USP28: variants seen among roughly 807,000 people sequenced by gnomAD.
USP28 encodes the protein ubiquitin specific peptidase 28, also known as ubiquitin carboxyl-terminal hydrolase 28.
USP28 carries 113 observed loss-of-function variants against 145.0 expected under a neutral mutation model. The observed-to-expected ratio is 0.78, with a 90% CI of 0.67 to 0.91. The LOEUF (loss-of-function observed/expected upper bound fraction) is 0.91. Among genes scored for constraint, USP28 ranks in the 40% least tolerant of loss-of-function variants. The pLI, the probability that USP28 is intolerant of heterozygous loss-of-function variation, is 0.00. For synonymous variants in USP28, 447 were observed against 450.9 expected (o/e 0.99, Z 0.11); for missense variants, 1,201 against 1,289.6 (o/e 0.93, Z 1.05).
At chr11:113,811,845 T>C (rs1294022236) in intron 16 of USP28, among the ~76,000 whole-genome samples, 2 of 152,090 alleles carry the variant, frequency 1.3e-5, no homozygotes, top group Admixed American at 6.6e-5. Context: ...TAAAAATACG[T>C]ATATTCCACA....
chr11:113,803,654 C>T (rs934850764), intron 22 of USP28, 144 bp downstream of exon 23: 1 of 650,116 alleles, frequency 1.5e-6, no homozygotes. Context: ...TAGAGCAAAA[C>T]CAAAGCACTG....
At chr11:113,841,478 AC>A (rs1945185026) in intron 4 of USP28, among the ~76,000 whole-genome samples, 184 bp downstream of exon 4, 1 of 152,172 alleles carries the variant, frequency 6.6e-6, no homozygotes, top group African/African-American at 2.4e-5. Context: ...ATGCAATAAG[AC>A]CCCTTTCAGT....
At chr11:113,815,478 T>A (rs1462416363) in intron 13 of USP28, 96 bp from the exon 14 acceptor site, 24 of 1,155,948 alleles carry the variant, frequency 2.1e-5, no homozygotes, top group South Asian at 4.5e-5. Flanking sequence ...TATGAAAAAG[T>A]ACAGGTATTC....
At chr11:113,797,937 T>C (rs1938209666) in exon 25 of USP28, 1 of 152,586 alleles carries the variant, frequency 6.6e-6, no homozygotes, top group African/African-American at 2.4e-5. Flanking sequence ...TTTTTTCCCT[T>C]TCATGATTCC....
At chr11:113,858,283 T>C (rs887527521) in intron 1 of USP28, among the ~76,000 whole-genome samples, 1 of 152,222 alleles carries the variant, frequency 6.6e-6, no homozygotes, top group Non-Finnish European at 1.5e-5. Context: ...CATCTTGTCA[T>C]TCAAAGACCA....
chr11:113,806,452 T>C (rs1219465581), intron 19 of USP28, 37 bp downstream of exon 20: 1 of 1,528,838 alleles, frequency 6.5e-7, no homozygotes, highest in Non-Finnish European at 9.0e-7. Flanking sequence ...TTATGATGCC[T>C]ATATTGTAAG....
chr11:113,811,728 G>A (rs1941021155), intron 16 of USP28, among the ~76,000 whole-genome samples: 1 of 151,614 alleles, frequency 6.6e-6, no homozygotes, highest in South Asian at 2.1e-4. Context: ...TCTCCAAAGG[G>A]TGCAAAAATA....
At chr11:113,836,247 T>C (rs1396777276) in intron 5 of USP28, among the ~76,000 whole-genome samples, 2 of 152,056 alleles carry the variant, frequency 1.3e-5, no homozygotes, top group Non-Finnish European at 2.9e-5. Context: ...TGCAGAAAAA[T>C]CCTTGAATCT....
Position 113,809,084 on chromosome 11 carries a change from G to GT in USP28, c.2142dup (p.Gln715ThrfsTer23). On this transcript the variant is annotated frameshift_variant, in exon 17 of 25. Transcript: ENST00000003302. LOFTEE classifies it high-confidence loss of function. ...ATACCTTGTGATGTAGAGTAGTCCT[G>GT]TGATGAGGAGTTGGTGGAGGACTCC... 1.2e-6 allele frequency: 2 copies of GT among 1,614,148 alleles called. No individual in the cohort carries two copies. Among genetic ancestry groups the GT allele is most frequent in the Non-Finnish European group, 1.7e-6 (2 of 1,180,002 alleles).
chr11:113,812,526 C>T (rs773649373), intron 15 of USP28, 22 bp from the exon 16 acceptor site: 19 of 1,603,572 alleles, frequency 1.2e-5, no homozygotes, highest in Middle Eastern at 1.7e-4. Flanking sequence ...AATGTACATT[C>T]CCCAGTCAGG....
Position 113,815,173 on chromosome 11 carries a change from C to A in USP28, c.1672+1G>T. 1 of 1,611,242 alleles carries A rather than the reference C, an allele frequency of 6.2e-7. No homozygotes were observed. Among genetic ancestry groups the A allele is most frequent in the Non-Finnish European group, 8.5e-7 (1 of 1,179,706 alleles). ...AACTGACAAATTTTAAAAGAGCCAA[C>A]CTTGTATATCTTGTTCAATCTCACT... On this transcript the variant is annotated splice_donor_variant, in intron 14 of 24. Coordinates refer to ENST00000003302, the Ensembl canonical transcript of USP28. LOFTEE classifies it high-confidence loss of function.
chr11:113,852,675 A>T (rs1287197056), intron 2 of USP28, 42 bp from the exon 3 acceptor site: 5 of 1,607,768 alleles, frequency 3.1e-6, no homozygotes, highest in Non-Finnish European at 4.2e-6. Context: ...AAGTAATCAT[A>T]GAATTTAAAA....
chr11:113,853,380 T>TTA (rs1286935683), intron 2 of USP28, among the ~76,000 whole-genome samples: 4 of 151,738 alleles, frequency 2.6e-5, no homozygotes, highest in Admixed American at 2.6e-4. Flanking sequence ...TTTAATGTTT[T>TTA]ATGAGGAAAC....
exon 1 of USP28, chr11:113,875,446 G>A (rs1335498222): frequency 2.4e-6 from 3 of 1,249,998 alleles, no homozygotes; most frequent in Non-Finnish European, 2.0e-6. Flanking sequence ...GGAGCCCACC[G>A]AGCCGTGGCC....
intron 10 of USP28, chr11:113,828,905 C>T (rs1466686304): frequency 3.6e-6 from 2 of 556,264 alleles, no homozygotes; most frequent in Non-Finnish European, 6.8e-6. Context: ...GTTCTCCCTA[C>T]TCAGGTACAG....
chr11:113,830,492 C>A (rs560259512), intron 9 of USP28, among the ~76,000 whole-genome samples: 25 of 152,214 alleles, frequency 1.6e-4, no homozygotes, highest in African/African-American at 6.0e-4. Context: ...GAGTGAAAAG[C>A]CTCTAGTCTA....
intron 24 of USP28, among the ~76,000 whole-genome samples, chr11:113,800,729 G>A (rs2135055565): frequency 1.3e-5 from 2 of 152,008 alleles, no homozygotes; most frequent in East Asian, 3.9e-4. Context: ...CTTTAAACAA[G>A]CAAGGACAGT....
intron 1 of USP28, among the ~76,000 whole-genome samples, chr11:113,859,740 G>A (rs1947447116): frequency 6.6e-6 from 1 of 152,136 alleles, no homozygotes; most frequent in East Asian, 1.9e-4. Context: ...TATATGTAAA[G>A]TACACACCCA....
At chr11:113,817,635 T>TG in intron 13 of USP28, 23 bp downstream of exon 13, 2 of 1,370,106 alleles carry the variant, frequency 1.5e-6, no homozygotes, top group Non-Finnish European at 2.0e-6. Context: ...TACATACCAT[T>TG]AAAAAAAAAA....
Sources: allele counts gnomAD v4.1 joint callset (sites outside exome capture counted in the v4.1 genomes callset), GRCh38; gene constraint gnomAD v4.1.1; transcripts MANE v1.5; gene names NCBI Gene and HGNC (gene_info 2026-07-23, HGNC 2026-07-21).